Variants in TARS3 observed in about 807,000 individuals in gnomAD.
TARS3 encodes the protein threonyl-tRNA synthetase 3.
Under a neutral mutation model 103.5 loss-of-function variants are expected in TARS3, and 94 were observed. That is an observed-to-expected ratio of 0.91 (90% CI 0.77 to 1.08). The LOEUF is 1.08. Among genes scored for constraint, TARS3 ranks in the 50% least tolerant of loss-of-function variants. The pLI is 0.00. For missense variants in TARS3, 952 were observed against 995.2 expected, an observed-to-expected ratio of 0.96 and a Z score of 0.58; for synonymous variants, 416 against 355.4, an observed-to-expected ratio of 1.17 and a Z score of -1.92.
rs560463273 is a variant in TARS3, at chr15:101,711,375, C to A, written c.812+505G>T. Among the ~76,000 whole-genome samples, 14 of 152,284 alleles carry A rather than the reference C, an allele frequency of 9.2e-5. No individual in the cohort carries two copies. In the East Asian group the frequency reaches 2.5e-3, roughly 27 times the overall value. On this transcript the variant is annotated intron_variant, in intron 5 of 18. Transcript: ENST00000335968. ...TCAACCAATCTATAATCATCTTATG[C>A]AATACAGTTGACCCTTGAACAACAA...
chr15:101,668,650 G>A (rs750528454), intron 15 of TARS3, among the ~76,000 whole-genome samples: 7 of 152,146 alleles, frequency 4.6e-5, no homozygotes, highest in Non-Finnish European at 8.8e-5. Flanking sequence ...CAACGTCTGC[G>A]AAGTGCTATA....
chr15:101,712,082 G>A, intron 4 of TARS3, 81 bp from the exon 5 acceptor site: 1 of 1,471,596 alleles, frequency 6.8e-7, no homozygotes, highest in Non-Finnish European at 9.1e-7. Flanking sequence ...TAAACCAGTA[G>A]AAAATTTTAA....
intron 13 of TARS3, among the ~76,000 whole-genome samples, chr15:101,674,326 T>C (rs898108711): frequency 4.6e-5 from 7 of 152,172 alleles, no homozygotes; most frequent in African/African-American, 1.7e-4. Context: ...AATGCTTCCT[T>C]TAAGTGAAAA....
At chr15:101,687,902 G>C (rs759299165) in intron 10 of TARS3, among the ~76,000 whole-genome samples, 2 of 152,080 alleles carry the variant, frequency 1.3e-5, no homozygotes, top group African/African-American at 4.8e-5. Flanking sequence ...TCTGCAACCT[G>C]GAAGAGGGCC....
intron 10 of TARS3, among the ~76,000 whole-genome samples, chr15:101,696,324 T>A (rs998766787): frequency 6.6e-6 from 1 of 151,586 alleles, no homozygotes; most frequent in African/African-American, 2.4e-5. Flanking sequence ...CAGCAGTAAG[T>A]GTTATACTTG....
In TARS3 at chr15:101,654,245, C is replaced by T. The variant is rs1897116650; in HGVS notation, c.*337G>A. ...TCCTATTTAAAAAAAACTCTGCAGA[C>T]TTTTATTTGAAGCCCATCTTTTGAA... On this transcript the variant is annotated 3_prime_UTR_variant, in exon 19 of 19. Transcript: ENST00000335968. 1 of 198,506 alleles carries T rather than the reference C, an allele frequency of 5.0e-6. No homozygotes were observed. The highest frequency in any genetic ancestry group is 6.0e-5 in the Admixed American group (1 of 16,652). The allele number at this position is 198,506 out of a possible 1,614,324, so 12.3% of individuals were successfully genotyped here.
Position 101,724,237 on chromosome 15 carries a change from T to G in TARS3, c.151A>C (p.Thr51Pro). 6.4e-7 allele frequency: 1 copy of G among 1,552,488 alleles called. No homozygotes were observed. The highest frequency in any genetic ancestry group is 8.6e-7 in the Non-Finnish European group (1 of 1,156,392). Residue 51 changes from threonine to proline, a missense_variant, in exon 1 of 19, where the codon ACG (threonine) becomes CCG (proline). Coordinates refer to ENST00000335968, the MANE Select transcript of TARS3 (RefSeq NM_152334.3). ...GCCCGGAGCTGCGCCACCTCCCGCG[T>G]GAGGCACGGCCCCTCCGCCTGGCAG... is the stretch of plus-strand genomic sequence containing the variant. ...YSCQAEGPCL[T>P]REVAQLRAEN...
intron 10 of TARS3, among the ~76,000 whole-genome samples, chr15:101,695,349 T>C (rs542991924): frequency 1.1e-4 from 16 of 152,340 alleles, no homozygotes; most frequent in African/African-American, 3.4e-4. Flanking sequence ...TATAATGGAA[T>C]GGTGCCTTAT....
At position 101,701,101 on chromosome 15, in the gene TARS3, A is replaced by C. The variant is rs1238830630; in HGVS notation, c.1305T>G (p.Leu435=). The C allele has an allele frequency of 1.9e-6, 3 of 1,570,602 alleles. No homozygotes were observed. The highest frequency in any genetic ancestry group is 2.6e-6 in the Non-Finnish European group (3 of 1,163,164). Reference sequence around the variant, plus strand: ...GTTAACTTACTCGTATGAAATCTGTAAGCGTATTATAAATGAAGGCTCCTC... The same window carrying C: ...GTTAACTTACTCGTATGAAATCTGTCAGCGTATTATAAATGAAGGCTCCTC... ...LPRGAFIYNT[L]TDFIREEYHK... Residue 435 remains leucine, a synonymous_variant, in exon 10 of 19, where the codon CTT becomes CTG. Coordinates refer to ENST00000335968, the MANE Select transcript of TARS3 (RefSeq NM_152334.3).
intron 10 of TARS3, among the ~76,000 whole-genome samples, chr15:101,699,817 A>G (rs1899169701): frequency 6.6e-6 from 1 of 152,246 alleles, no homozygotes; most frequent in Non-Finnish European, 1.5e-5. Context: ...TGCAGGCCAC[A>G]TGCCATGGAT....
chr15:101,722,994 TAATCAGTAATTTTTATTGGAA>T (rs1173935923), intron 2 of TARS3, 78 bp downstream of exon 2: 3 of 1,125,810 alleles, frequency 2.7e-6, no homozygotes, highest in Non-Finnish European at 3.9e-6. Flanking sequence ...AATAATAATT[TAATCAGTAATTTTTATTGGAA>T]ATCCTAGGTA....
chr15:101,672,587 A>T, intron 13 of TARS3, among the ~76,000 whole-genome samples: 1 of 151,840 alleles, frequency 6.6e-6, no homozygotes, highest in Non-Finnish European at 1.5e-5. Flanking sequence ...AGCTGCCATC[A>T]TCAAGAAAGC....
At position 101,701,068 on chromosome 15, in the gene TARS3, A is replaced by AT. The variant is rs1899247237; in HGVS notation, c.1320+17dup. 1 of 1,465,862 alleles carries AT rather than the reference A, an allele frequency of 6.8e-7. No homozygotes were observed. Among genetic ancestry groups the AT allele is most frequent in the Admixed American group, 2.3e-5 (1 of 42,836 alleles). The allele number at this position is 1,465,862 out of a possible 1,614,324, so 90.8% of individuals were successfully genotyped here. A position where few individuals can be genotyped will look rare whatever the true frequency, so the allele number is the denominator to read the frequency against. On this transcript the variant is annotated intron_variant, in intron 10 of 18. Transcript: ENST00000335968. ...AACTGGAATTGAATAAGAATAAAACATTTTAAAGTTAACTTACTCGTATGA... is the reference window on the plus strand; with the variant it reads ...AACTGGAATTGAATAAGAATAAAACATTTTTAAAGTTAACTTACTCGTATGA...
chr15:101,661,609 G>T, intron 16 of TARS3, 103 bp downstream of exon 16: 3 of 749,218 alleles, frequency 4.0e-6, no homozygotes, highest in Non-Finnish European at 6.1e-6. Flanking sequence ...TTTTACACAT[G>T]ATTTTTTAAG....
chr15:101,698,943 T>C (rs1451904414), intron 10 of TARS3, among the ~76,000 whole-genome samples: 1 of 152,164 alleles, frequency 6.6e-6, no homozygotes, highest in Admixed American at 6.5e-5. Flanking sequence ...AAGGGGGTCA[T>C]GACCTAGAAA....
At chr15:101,708,670 T>G in intron 6 of TARS3, 123 bp downstream of exon 6, 1 of 720,736 alleles carries the variant, frequency 1.4e-6, no homozygotes, top group South Asian at 1.6e-5. Context: ...AACCTCACAG[T>G]AGCTTAACAG....
intron 16 of TARS3, among the ~76,000 whole-genome samples, chr15:101,661,396 G>C (rs185265805): frequency 2.9e-4 from 44 of 150,934 alleles, no homozygotes; most frequent in African/African-American, 1.0e-3. Flanking sequence ...ACAGCAACTA[G>C]ATCTCTGAAG....
intron 9 of TARS3, among the ~76,000 whole-genome samples, chr15:101,701,854 C>A (rs2141429968): frequency 6.6e-6 from 1 of 152,290 alleles, no homozygotes; most frequent in South Asian, 2.1e-4. Context: ...CAGCTCACTG[C>A]AACCTCCGCC....
intron 12 of TARS3, among the ~76,000 whole-genome samples, chr15:101,678,710 G>C (rs1567332587): frequency 6.6e-6 from 1 of 152,046 alleles, no homozygotes; most frequent in Non-Finnish European, 1.5e-5. Flanking sequence ...ACATAATTTA[G>C]AAAACGCAAA....
Sources: allele counts gnomAD v4.1 joint callset (sites outside exome capture counted in the v4.1 genomes callset), GRCh38; gene constraint gnomAD v4.1.1; transcripts MANE v1.5; gene names NCBI Gene and HGNC (gene_info 2026-07-23, HGNC 2026-07-21).